Variants in SEMA3D observed in about 807,000 individuals in gnomAD.
The protein encoded by SEMA3D is semaphorin-3D.
Under a neutral mutation model 100.1 loss-of-function variants are expected in SEMA3D, and 84 were observed. That is an observed-to-expected ratio of 0.84 (90% confidence interval 0.70 to 1.01). The LOEUF is 1.01. SEMA3D is among the 50% of genes least tolerant of loss of function. SEMA3D has a pLI of 0.00. For missense variants in SEMA3D, 875 were observed against 934.1 expected, an observed-to-expected ratio of 0.94 and a Z score of 0.82; for synonymous variants, 312 against 320.7, an observed-to-expected ratio of 0.97 and a Z score of 0.29.
chr7:85,243,784 G>A, the SEMA3D span, among the ~76,000 whole-genome samples: 2 of 152,286 alleles, frequency 1.3e-5, no homozygotes, highest in African/African-American at 4.8e-5. Flanking sequence ...ATATTGGAAA[G>A]TATAAGAATA....
At chr7:85,054,544 A>G (rs1791254318) in intron 9 of SEMA3D, among the ~76,000 whole-genome samples, 1 of 152,090 alleles carries the variant, frequency 6.6e-6, no homozygotes, top group South Asian at 2.1e-4. Context: ...TCAGTGGGAG[A>G]CAGCATTATT....
chr7:85,172,958 A>G (rs1421129794), intron 1 of SEMA3D, among the ~76,000 whole-genome samples: 1 of 152,112 alleles, frequency 6.6e-6, no homozygotes, highest in East Asian at 1.9e-4. Flanking sequence ...ATTTAACAAA[A>G]GATCCCAAGA....
chr7:85,128,940 A>T (rs1218447226), intron 2 of SEMA3D, among the ~76,000 whole-genome samples: 2 of 140,680 alleles, frequency 1.4e-5, no homozygotes, highest in East Asian at 4.2e-4. Flanking sequence ...AACTGAAGCT[A>T]GAGTGCAGTG....
At chr7:85,112,762 T>C (rs939456238) in intron 3 of SEMA3D, among the ~76,000 whole-genome samples, 1 of 152,220 alleles carries the variant, frequency 6.6e-6, no homozygotes, top group Non-Finnish European at 1.5e-5. Context: ...CCAGTCATTC[T>C]CTGGCTTTAT....
At chr7:85,058,175 T>C (rs1353772525) in intron 8 of SEMA3D, among the ~76,000 whole-genome samples, 1 of 152,192 alleles carries the variant, frequency 6.6e-6, no homozygotes, top group Non-Finnish European at 1.5e-5. Context: ...TTCAATGGAC[T>C]TTTATATTCT....
At chr7:85,201,888 G>A in the SEMA3D span, among the ~76,000 whole-genome samples, 1 of 151,602 alleles carries the variant, frequency 6.6e-6, no homozygotes, top group Non-Finnish European at 1.5e-5. Context: ...ACCAGGAATA[G>A]CTAATATTTT....
the SEMA3D span, among the ~76,000 whole-genome samples, chr7:85,226,337 G>A: frequency 3.3e-5 from 5 of 152,068 alleles, no homozygotes; most frequent in African/African-American, 1.2e-4. Context: ...ACTTCATGCT[G>A]CAGGTAAAAA....
the SEMA3D span, among the ~76,000 whole-genome samples, chr7:85,217,415 C>A: frequency 6.6e-6 from 1 of 152,048 alleles, no homozygotes; most frequent in Non-Finnish European, 1.5e-5. Context: ...CTTGTCCTCA[C>A]AGATCTTATA....
At chr7:85,203,027 G>C in the SEMA3D span, among the ~76,000 whole-genome samples, 2 of 152,196 alleles carry the variant, frequency 1.3e-5, no homozygotes, top group African/African-American at 4.8e-5. Flanking sequence ...GTAAAATGAG[G>C]TAGGACAGAA....
intron 2 of SEMA3D, among the ~76,000 whole-genome samples, chr7:85,126,575 CTA>C (rs1490175772): frequency 1.3e-5 from 2 of 152,082 alleles, no homozygotes; most frequent in African/African-American, 4.8e-5. Flanking sequence ...GGAAATATGC[CTA>C]TCTCAGCATT....
chr7:85,237,447 C>A, the SEMA3D span, among the ~76,000 whole-genome samples: 820 of 152,246 alleles, frequency 5.4e-3, 11 homozygotes, highest in African/African-American at 0.019. Flanking sequence ...CATACTCATA[C>A]CTTCCTGTCT....
chr7:85,129,018 A>G (rs1003768409), intron 2 of SEMA3D, among the ~76,000 whole-genome samples: 1 of 150,524 alleles, frequency 6.6e-6, no homozygotes, highest in Non-Finnish European at 1.5e-5. Context: ...TGGCTTCCTG[A>G]GGAGCTGGGA....
At chr7:85,065,793 A>G (rs1791602472) in intron 7 of SEMA3D, among the ~76,000 whole-genome samples, 1 of 152,226 alleles carries the variant, frequency 6.6e-6, no homozygotes, top group African/African-American at 2.4e-5. Context: ...TGAATTAATA[A>G]TTGCACATGC....
At chr7:85,028,097 G>T (rs1304313300) in intron 12 of SEMA3D, 8 of 624,594 alleles carry the variant, frequency 1.3e-5, no homozygotes, top group Non-Finnish European at 2.4e-5. Flanking sequence ...TGACATATTG[G>T]CCTTTCACGG....
intron 1 of SEMA3D, among the ~76,000 whole-genome samples, chr7:85,170,995 T>C (rs997060926): frequency 6.6e-6 from 1 of 152,040 alleles, no homozygotes; most frequent in African/African-American, 2.4e-5. Context: ...TTGTCATTTA[T>C]CTCTATCTCA....
intron 7 of SEMA3D, among the ~76,000 whole-genome samples, chr7:85,065,908 A>T (rs557292338): frequency 6.6e-6 from 1 of 152,324 alleles, no homozygotes; most frequent in South Asian, 2.1e-4. Context: ...AGAATAAGAC[A>T]CAAAAAATAT....
intron 1 of SEMA3D, among the ~76,000 whole-genome samples, chr7:85,154,419 G>T (rs561640424): frequency 6.6e-6 from 1 of 151,956 alleles, no homozygotes; most frequent in African/African-American, 2.4e-5. Context: ...AATGGGCAGC[G>T]AATCATACTC....
At chr7:85,102,993 A>G (rs1390124240) in intron 3 of SEMA3D, among the ~76,000 whole-genome samples, 2 of 152,080 alleles carry the variant, frequency 1.3e-5, no homozygotes, top group Non-Finnish European at 2.9e-5. Flanking sequence ...CAAAACGATT[A>G]AACATCCTTC....
intron 2 of SEMA3D, chr7:85,142,095 A>G (rs1790067692): frequency 1.0e-6 from 1 of 984,708 alleles, no homozygotes; most frequent in Non-Finnish European, 1.2e-6. Flanking sequence ...TTGGCAATGC[A>G]TTTTAGTTTT....
Sources: allele counts gnomAD v4.1 joint callset (sites outside exome capture counted in the v4.1 genomes callset), GRCh38; gene constraint gnomAD v4.1.1; transcripts MANE v1.5; gene names NCBI Gene and HGNC (gene_info 2026-07-23, HGNC 2026-07-21).